SRGAP2C: variants seen among roughly 807,000 people sequenced by gnomAD.
SRGAP2C encodes the protein SLIT-ROBO Rho GTPase-activating protein 2C.
A neutral mutation model predicts 25.1 loss-of-function variants in SRGAP2C; 15 were observed. The observed-to-expected ratio is 0.60, with a 90% CI of 0.40 to 0.92. The LOEUF (loss-of-function observed/expected upper bound fraction) is 0.92. Ranked by LOEUF, SRGAP2C falls within the 40% of genes least tolerant of loss-of-function variation. The pLI is 0.00. For missense variants in SRGAP2C, 144 were observed against 264.4 expected, an observed-to-expected ratio of 0.54 and a Z score of 3.16; for synonymous variants, 44 against 96.6, an observed-to-expected ratio of 0.46 and a Z score of 3.19.
In SRGAP2C at chr1:121,237,648, C is replaced by A. The variant is rs184900485; in HGVS notation, c.68-47155C>A. 1.5e-3 allele frequency among the ~76,000 whole-genome samples: 222 copies of A among 152,186 alleles called. 1 individual carries two copies. Among genetic ancestry groups the A allele is most frequent in the African/African-American group, 5.2e-3 (214 of 41,516 alleles). On this transcript the variant is annotated intron_variant, in intron 2 of 9. Transcript: ENST00000367123. ...AAAGGTAACAGAATGACTCTGGAAC[C>A]CATTACCCCTACCAAGAAGGGGAGT...
Position 121,355,466 on chromosome 1 carries a change from C to T in SRGAP2C, c.424-9827C>T, listed in dbSNP as rs1428862323. Among the ~76,000 whole-genome samples, 5 of 84,976 alleles carry T rather than the reference C, an allele frequency of 5.9e-5. 1 individual carries two copies. Among genetic ancestry groups the T allele is most frequent in the African/African-American group, 1.4e-4 (3 of 21,704 alleles). 55.7% of individuals were successfully genotyped at this position (84,976 alleles called of 152,430 possible). A position where few individuals can be genotyped will look rare whatever the true frequency, so the allele number is the denominator to read the frequency against. On this transcript the variant is annotated intron_variant, in intron 4 of 9. Coordinates refer to ENST00000367123, the MANE Select transcript of SRGAP2C (RefSeq NM_001329984.2). ...CTGAATAGCTGGGACTACAGGTGCC[C>T]GCCACTACGCCCGGCTAACTTTTTT...
At chr1:121,213,064 T>TA (rs1655306531) in intron 2 of SRGAP2C, among the ~76,000 whole-genome samples, 2 of 150,948 alleles carry the variant, frequency 1.3e-5, no homozygotes, top group Non-Finnish European at 2.9e-5. Context: ...TTTTTTTTTT[T>TA]AGACAGTGTC....
intron 3 of SRGAP2C, among the ~76,000 whole-genome samples, chr1:121,309,678 G>T (rs1360670021): frequency 1.5e-5 from 2 of 130,286 alleles, no homozygotes; most frequent in East Asian, 2.2e-4. Flanking sequence ...GCGGTGTTTG[G>T]TTTTTTGTTC....
At chr1:121,188,455 G>T (rs1482432561) in intron 2 of SRGAP2C, among the ~76,000 whole-genome samples, 4 of 148,740 alleles carry the variant, frequency 2.7e-5, no homozygotes, top group African/African-American at 1.0e-4. Flanking sequence ...GCATGTGTTT[G>T]TGCAAGGCAC....
chr1:121,305,077 CA>C (rs1301019624), intron 3 of SRGAP2C, among the ~76,000 whole-genome samples: 14 of 148,390 alleles, frequency 9.4e-5, no homozygotes, highest in African/African-American at 2.5e-4. Flanking sequence ...ACTTCTGGGC[CA>C]GCCCTGTCTC....
intron 4 of SRGAP2C, among the ~76,000 whole-genome samples, chr1:121,335,232 G>A (rs1183258314): frequency 1.3e-5 from 2 of 150,194 alleles, no homozygotes; most frequent in African/African-American, 4.9e-5. Context: ...GGTGGAGTTT[G>A]CAAGAGGCTG....
At chr1:121,233,002 A>G (rs1188359128) in intron 2 of SRGAP2C, among the ~76,000 whole-genome samples, 30 of 124,248 alleles carry the variant, frequency 2.4e-4, no homozygotes, top group Non-Finnish European at 4.1e-4. Context: ...GTACATCTTC[A>G]GGTTTTGTAG....
chr1:121,314,857 G>A lies in SRGAP2C; in HGVS notation c.261-9621G>A, dbSNP rs1553340414. Reference sequence around the variant, plus strand: ...TCAGATGGAAATGCAGAAATCACCCGTCTTCTGTGTCGCTCACGCTGGGAG... The same window carrying A: ...TCAGATGGAAATGCAGAAATCACCCATCTTCTGTGTCGCTCACGCTGGGAG... On this transcript the variant is annotated intron_variant, in intron 3 of 9. Coordinates refer to ENST00000367123, the MANE Select transcript of SRGAP2C (RefSeq NM_001329984.2). The A allele has an allele frequency of 4.5e-4, 238 of 533,646 alleles. 7 individuals carry two copies. The highest frequency in any genetic ancestry group is 2.8e-3 in the South Asian group (179 of 62,946). 33.1% of individuals were successfully genotyped at this position (533,646 alleles called of 1,614,324 possible). A position where few individuals can be genotyped will look rare whatever the true frequency, so the allele number is the denominator to read the frequency against.
At chr1:121,328,017 G>A in intron 4 of SRGAP2C, among the ~76,000 whole-genome samples, 1 of 152,284 alleles carries the variant, frequency 6.6e-6, no homozygotes, top group Middle Eastern at 3.4e-3. Context: ...CTTCCTTCTG[G>A]TTGTTAGGTT....
chr1:121,295,490 T>A (rs1276118405), intron 3 of SRGAP2C, among the ~76,000 whole-genome samples: 1 of 151,516 alleles, frequency 6.6e-6, no homozygotes. Flanking sequence ...CAAATATATA[T>A]CTTCTTACCA....
At chr1:121,312,738 A>G (rs1390264462) in intron 3 of SRGAP2C, among the ~76,000 whole-genome samples, 6 of 48,274 alleles carry the variant, frequency 1.2e-4, no homozygotes, top group Admixed American at 2.4e-4. Flanking sequence ...AGCGGCTTTG[A>G]GTGAGATTCT....
chr1:121,206,471 G>A (rs1553322536), intron 2 of SRGAP2C, among the ~76,000 whole-genome samples: 1 of 152,222 alleles, frequency 6.6e-6, no homozygotes, highest in South Asian at 2.1e-4. Context: ...ACAAAGATCA[G>A]TGGGGGCACT....
intron 7 of SRGAP2C, among the ~76,000 whole-genome samples, chr1:121,375,347 A>G (rs1200326644): frequency 2.9e-5 from 3 of 103,844 alleles, no homozygotes; most frequent in Admixed American, 1.1e-4. Context: ...TTTTTGAGAT[A>G]GAGTCTTGCT....
chr1:121,250,625 G>T (rs1285571751), intron 2 of SRGAP2C, among the ~76,000 whole-genome samples: 1 of 35,864 alleles, frequency 2.8e-5, no homozygotes, highest in Non-Finnish European at 5.3e-5. Context: ...TATTCATACA[G>T]TGGAATACTA....
chr1:121,222,165 A>T (rs1362236712), intron 2 of SRGAP2C, among the ~76,000 whole-genome samples: 1 of 152,134 alleles, frequency 6.6e-6, no homozygotes, highest in African/African-American at 2.4e-5. Context: ...GAAGTGAGGA[A>T]ACTAAGGCTC....
At chr1:121,261,094 A>ATTTT (rs1211026484) in intron 2 of SRGAP2C, among the ~76,000 whole-genome samples, 2,466 of 26,356 alleles carry the variant, frequency 0.094, 410 homozygotes, top group East Asian at 0.22. Flanking sequence ...ACACCTGGCT[A>ATTTT]TTTTTTTTTT....
intron 4 of SRGAP2C, among the ~76,000 whole-genome samples, chr1:121,346,594 C>T (rs587653862): frequency 2.1e-4 from 32 of 152,054 alleles, no homozygotes; most frequent in East Asian, 1.9e-3. Context: ...TTGACCTAGG[C>T]GAGAGAAGAA....
At chr1:121,378,810 G>A (rs587621645) in intron 7 of SRGAP2C, among the ~76,000 whole-genome samples, 27 of 152,222 alleles carry the variant, frequency 1.8e-4, no homozygotes, top group African/African-American at 6.0e-4. Context: ...TTTTGTTGAT[G>A]CCATTACATT....
chr1:121,370,439 C>CTT (rs201539761), intron 5 of SRGAP2C, among the ~76,000 whole-genome samples: 12 of 81,810 alleles, frequency 1.5e-4, no homozygotes, highest in East Asian at 3.9e-4. Flanking sequence ...CTCAGACTTC[C>CTT]TTTTTTTTTT....
Sources: gnomAD v4.1 joint callset for allele counts (sites outside exome capture counted in the v4.1 genomes callset) on GRCh38, gnomAD v4.1.1 for gene constraint, MANE v1.5 for transcripts, NCBI Gene and HGNC (gene_info 2026-07-23, HGNC 2026-07-21) for gene names.